The following FGF13 variants were observed in gnomAD, a reference collection of about 807,000 sequenced individuals.
FGF13 encodes the protein fibroblast growth factor 13, also known as fibroblast growth factor homologous factor 2.
Under a neutral mutation model 19.5 loss-of-function variants are expected in FGF13, and 2 were observed. The ratio of observed to expected loss-of-function variants is 0.10; its 90% CI spans 0.04 to 0.32. The LOEUF (loss-of-function observed/expected upper bound fraction) is 0.32. FGF13 is among the 10% of genes least tolerant of loss of function. The probability of loss-of-function intolerance (pLI) is 1.00; values close to 1 mark genes in which losing one functional copy is unlikely to be tolerated. For missense variants in FGF13, 113 were observed against 192.7 expected (o/e 0.59, Z 2.45); for synonymous variants, 72 against 76.9 (o/e 0.94, Z 0.33).
intron 3 of FGF13, among the ~76,000 whole-genome samples, chrX:138,652,925 TG>T (rs777774392): frequency 8.9e-6 from 1 of 112,365 alleles, no homozygotes; most frequent in East Asian, 2.8e-4. Context: ...ATATCAGAAA[TG>T]CCAACTCCTT....
chrX:139,079,016 G>A lies in FGF13; in HGVS notation c.-113+124400C>T, dbSNP rs771897435. On this transcript the variant is annotated intron_variant, in intron 1 of 2. Coordinates refer to the FGF13 transcript ENST00000421460. ...AGTTCACAGCAGGCAAAATGTAGTA[G>A]CTGAATTCAAGCATAGCTAATTTGC... Among the ~76,000 whole-genome samples the A allele has an allele frequency of 3.6e-5, 4 of 112,535 alleles. No individual in the cohort carries two copies. In the South Asian group the frequency reaches 1.1e-3, roughly 31 times the overall value.
chrX:138,992,863 A>C, intron 1 of FGF13, among the ~76,000 whole-genome samples: 1 of 111,265 alleles, frequency 9.0e-6, no homozygotes, highest in African/African-American at 3.3e-5. Context: ...AATACTAATT[A>C]ATACAAAGGG....
chrX:138,741,887 G>C (rs974847748), upstream of FGF13, among the ~76,000 whole-genome samples: 3 of 111,700 alleles, frequency 2.7e-5, no homozygotes, highest in African/African-American at 9.8e-5. Flanking sequence ...TGAGGACTAA[G>C]GTCACCCCAT....
chrX:138,668,694 CTGGGGG>C (rs2089579559), intron 3 of FGF13, among the ~76,000 whole-genome samples: 1 of 109,221 alleles, frequency 9.2e-6, no homozygotes, highest in Non-Finnish European at 1.9e-5. Flanking sequence ...AGGCTGGAAA[CTGGGGG>C]TGGGGAGGAC....
At chrX:138,743,040 A>G (rs1261665261), upstream of FGF13, among the ~76,000 whole-genome samples, 1 of 111,749 alleles carries the variant, frequency 8.9e-6, no homozygotes, top group Non-Finnish European at 1.9e-5. Context: ...CATTTAAAAA[A>G]TACTGAGTAC....
At chrX:138,659,078 G>C (rs1037178868) in intron 3 of FGF13, among the ~76,000 whole-genome samples, 1 of 111,645 alleles carries the variant, frequency 9.0e-6, no homozygotes, top group African/African-American at 3.3e-5. Flanking sequence ...AAATGTGAAG[G>C]ACACGAGTAA....
At chrX:139,043,134 C>T (rs2092275768) in intron 1 of FGF13, among the ~76,000 whole-genome samples, 1 of 110,984 alleles carries the variant, frequency 9.0e-6, no homozygotes, top group African/African-American at 3.3e-5. Flanking sequence ...TGTGACTTAC[C>T]CCACCCCAAG....
chrX:138,917,938 A>T (rs996886323), intron 1 of FGF13, among the ~76,000 whole-genome samples: 4 of 111,367 alleles, frequency 3.6e-5, no homozygotes, highest in African/African-American at 1.3e-4. Context: ...TACCATCAGA[A>T]CAATCTTCCT....
At chrX:139,048,780 T>C (rs193022511) in intron 1 of FGF13, among the ~76,000 whole-genome samples, 177 of 111,346 alleles carry the variant, frequency 1.6e-3, no homozygotes, top group Admixed American at 2.6e-3. Flanking sequence ...GCCACCCAGT[T>C]AAATTCTTAT....
chrX:138,852,438 A>C (rs1375355072), intron 3 of FGF13, among the ~76,000 whole-genome samples: 2 of 111,979 alleles, frequency 1.8e-5, no homozygotes, highest in African/African-American at 6.5e-5. Context: ...AAACTTGACA[A>C]AAACAAGGAG....
At chrX:139,157,748 A>T (rs924006984) in intron 1 of FGF13, among the ~76,000 whole-genome samples, 9 of 113,175 alleles carry the variant, frequency 8.0e-5, no homozygotes, top group African/African-American at 2.6e-4. Flanking sequence ...AAATATCTGA[A>T]AATGTGGAAG....
In FGF13 at chrX:138,833,289, A is replaced by G. The variant is rs941521645; in HGVS notation, c.217+24223T>C. ...TTAACAATATTGATTCTTCCTGTCC[A>G]TGAGCATGGAATGTTTCTCCCTTTG... On this transcript the variant is annotated intron_variant, in intron 3 of 6. Transcript: ENST00000436198. 3.6e-4 allele frequency among the ~76,000 whole-genome samples: 41 copies of G among 112,425 alleles called. 1 individual carries two copies. Among genetic ancestry groups the G allele is most frequent in the Non-Finnish European group, 7.3e-4 (39 of 53,306 alleles).
At chrX:139,007,065 TA>T (rs989114419) in intron 1 of FGF13, among the ~76,000 whole-genome samples, 1 of 111,266 alleles carries the variant, frequency 9.0e-6, no homozygotes, top group Non-Finnish European at 1.9e-5. Flanking sequence ...GAATGGATTT[TA>T]AAAAACAGAA....
upstream of FGF13, among the ~76,000 whole-genome samples, chrX:138,742,821 C>T (rs1169935961): frequency 9.0e-6 from 1 of 111,731 alleles, no homozygotes; most frequent in Non-Finnish European, 1.9e-5. Flanking sequence ...TCTCCAGGCC[C>T]CCTTGACAGT....
At chrX:138,735,358 C>T (rs2090265970) in intron 1 of FGF13, among the ~76,000 whole-genome samples, 1 of 111,763 alleles carries the variant, frequency 8.9e-6, no homozygotes, top group African/African-American at 3.2e-5. Context: ...GGCGAAGTTC[C>T]TGTATCATAA....
chrX:138,853,508 T>C (rs948840220), downstream of FGF13, among the ~76,000 whole-genome samples: 11 of 111,136 alleles, frequency 9.9e-5, no homozygotes, highest in African/African-American at 3.3e-4. Context: ...TTATCATCAA[T>C]CTCCAGCACA....
chrX:139,069,672 A>C (rs973714500), intron 1 of FGF13, among the ~76,000 whole-genome samples: 1 of 112,349 alleles, frequency 8.9e-6, no homozygotes. Context: ...TGTGTAGCCA[A>C]GACAATCCTA....
At chrX:138,984,729 A>G (rs373869156) in intron 1 of FGF13, among the ~76,000 whole-genome samples, 2 of 9,458 alleles carry the variant, frequency 2.1e-4, no homozygotes, top group Non-Finnish European at 7.9e-4. Context: ...GAGAACAAGA[A>G]GAAGAGAAGG....
At chrX:138,808,681 A>T (rs757047880) in intron 3 of FGF13, among the ~76,000 whole-genome samples, 3 of 110,657 alleles carry the variant, frequency 2.7e-5, no homozygotes, top group Non-Finnish European at 5.7e-5. Flanking sequence ...CAACAAAATC[A>T]CTAACAAGAT....
Sources: allele counts gnomAD v4.1 joint callset (sites outside exome capture counted in the v4.1 genomes callset), GRCh38; gene constraint gnomAD v4.1.1; transcripts MANE v1.5; gene names NCBI Gene and HGNC (gene_info 2026-07-23, HGNC 2026-07-21).